Variants in ZNF541 observed in about 807,000 individuals in gnomAD.
ZNF541 encodes zinc finger protein 541.
A neutral mutation model predicts 123.5 loss-of-function variants in ZNF541; 23 were observed. The observed-to-expected ratio is 0.19, with a 90% confidence interval of 0.13 to 0.26. The LOEUF (loss-of-function observed/expected upper bound fraction) is 0.26. Ranked by LOEUF, ZNF541 falls within the 10% of genes least tolerant of loss-of-function variation. The pLI, the probability that ZNF541 is intolerant of heterozygous loss-of-function variation, is 1.00. For missense variants in ZNF541, 1,612 were observed against 1,789.9 expected (o/e 0.90, Z 1.79); for synonymous variants, 751 against 754.5 (o/e 1.00, Z 0.08).
At chr19:47,551,419 G>A (rs1319227022) in intron 3 of ZNF541, among the ~76,000 whole-genome samples, 3 of 150,192 alleles carry the variant, frequency 2.0e-5, no homozygotes, top group Non-Finnish European at 4.4e-5. Context: ...AGAGTGCAGG[G>A]GTTATTCACA....
In ZNF541 at chr19:47,545,414, G is replaced by C. The variant is rs1334350849; in HGVS notation, c.1115C>G (p.Thr372Ser). The C allele has an allele frequency of 2.7e-6, 4 of 1,494,414 alleles. No homozygotes were observed. The highest frequency in any genetic ancestry group is 3.6e-6 in the Non-Finnish European group (4 of 1,119,472). The allele number at this position is 1,494,414 out of a possible 1,614,324, so 92.6% of individuals were successfully genotyped here. Residue 372 changes from threonine to serine, a missense_variant, in exon 5 of 17, where the codon ACC (threonine) becomes AGC (serine). Physicochemically the swap from Thr to Ser is moderately conservative, Grantham distance 58. Around this residue, in one of 5 missense-constraint regions of ZNF541, gnomAD observed 1,080 missense variants for 1,013.8 expected, o/e 1.07. Transcript: ENST00000391901. This position sits in a 1 kb window ranked among gnomAD's most constrained non-coding sequence, Gnocchi z 7.5. Reference sequence around the variant, plus strand: ...GGTGGACCGGGCCTGGAGCAGCGCGGTATCTGGCTCCGGCTCTGGCGGGTC... The same window carrying C: ...GGTGGACCGGGCCTGGAGCAGCGCGCTATCTGGCTCCGGCTCTGGCGGGTC... ...APDPPEPEPD[T>S]ALLQARSTAE...
intron 3 of ZNF541, among the ~76,000 whole-genome samples, chr19:47,555,195 C>T (rs1970765453): frequency 6.6e-6 from 1 of 151,318 alleles, no homozygotes; most frequent in South Asian, 2.1e-4. Context: ...CAGTGAAACT[C>T]CGTTTCTACT....
chr19:47,545,462 C>G lies in ZNF541; in HGVS notation c.1067G>C (p.Arg356Thr), dbSNP rs887716462. Residue 356 changes from arginine to threonine, a missense_variant, in exon 5 of 17, where the codon AGG becomes ACG. Physicochemically the swap from Arg to Thr is moderately conservative, Grantham distance 71. This residue lies in a region of ZNF541 where 1,080 missense variants were observed against 1,013.8 expected (regional missense o/e 1.07). Transcript: ENST00000391901. This position sits in a 1 kb window ranked among gnomAD's most constrained non-coding sequence, Gnocchi z 7.5. ...ATDVFTAPNS[R>T]AAENGAPDPP... Reference sequence around the variant, plus strand: ...GTCGGGGGCGCCGTTCTCGGCGGCCCTGGAATTAGGGGCTGTGAACACGTC... The same window carrying G: ...GTCGGGGGCGCCGTTCTCGGCGGCCGTGGAATTAGGGGCTGTGAACACGTC... 24 of 1,477,256 alleles carry G rather than the reference C, an allele frequency of 1.6e-5. No homozygotes were observed. Among genetic ancestry groups the G allele is most frequent in the South Asian group, 1.1e-4 (8 of 72,356 alleles). 91.5% of individuals were successfully genotyped at this position (1,477,256 alleles called of 1,614,324 possible). A position where few individuals can be genotyped will look rare whatever the true frequency, so the allele number is the denominator to read the frequency against.
chr19:47,557,901 A>G (rs1187012254), intron 2 of ZNF541, among the ~76,000 whole-genome samples: 1 of 152,104 alleles, frequency 6.6e-6, no homozygotes, highest in Non-Finnish European at 1.5e-5. Flanking sequence ...AAGCTTGCAC[A>G]CTAAAAGAAT....
At chr19:47,567,872 A>G (rs995005802) in intron 2 of ZNF541, among the ~76,000 whole-genome samples, 2 of 152,198 alleles carry the variant, frequency 1.3e-5, no homozygotes, top group Non-Finnish European at 2.9e-5. Context: ...ACTATAGAGA[A>G]CACTTCCAAC....
chr19:47,521,428 A>T lies in ZNF541; in HGVS notation c.3887+51T>A. The T allele has an allele frequency of 6.4e-7, 1 of 1,550,640 alleles. No homozygotes were observed. Among genetic ancestry groups the T allele is most frequent in the South Asian group, 1.2e-5 (1 of 84,048 alleles). On this transcript the variant is annotated intron_variant, in intron 16 of 16. Transcript: ENST00000391901. The surrounding 1 kb of genome is among the most constrained non-coding windows in gnomAD (Gnocchi z 4.2). Reference sequence around the variant, plus strand: ...GTCAGAGCAGGGAGGAAGGGATCACAGGGGCTGAGGCTGGGAGCCCTGGGA... The same window carrying T: ...GTCAGAGCAGGGAGGAAGGGATCACTGGGGCTGAGGCTGGGAGCCCTGGGA...
Position 47,521,699 on chromosome 19 carries a change from C to T in ZNF541, c.3712-45G>A. On this transcript the variant is annotated intron_variant, in intron 15 of 16. Transcript: ENST00000391901. The surrounding 1 kb of genome is among the most constrained non-coding windows in gnomAD (Gnocchi z 4.2). Reference sequence around the variant, plus strand: ...GACATAAGGGTGCTGACCTGTCCTGCTGTAAGAGAGACACAGAGCTGGGGG... The same window carrying T: ...GACATAAGGGTGCTGACCTGTCCTGTTGTAAGAGAGACACAGAGCTGGGGG... 1.3e-6 allele frequency: 2 copies of T among 1,542,586 alleles called. No individual in the cohort carries two copies. The highest frequency in any genetic ancestry group is 1.8e-6 in the Non-Finnish European group (2 of 1,141,130).
chr19:47,538,044 G>A, intron 9 of ZNF541, 98 bp downstream of exon 9: 1 of 1,385,852 alleles, frequency 7.2e-7, no homozygotes, highest in Admixed American at 2.1e-5. Flanking sequence ...CACCCAGGCA[G>A]GAGACAATCA....
chr19:47,537,437 G>A (rs150753571), intron 9 of ZNF541, among the ~76,000 whole-genome samples: 164 of 151,430 alleles, frequency 1.1e-3, no homozygotes, highest in Middle Eastern at 6.9e-3. Flanking sequence ...GATGGCGCAC[G>A]CCTGTAGTCC....
chr19:47,523,121 C>T (rs1599934372), intron 14 of ZNF541, among the ~76,000 whole-genome samples: 1 of 150,542 alleles, frequency 6.6e-6, no homozygotes, highest in East Asian at 2.0e-4. Flanking sequence ...CTCCACCTCC[C>T]AGGTTCAAGC....
intron 9 of ZNF541, among the ~76,000 whole-genome samples, chr19:47,534,877 T>C (rs573496696): frequency 1.3e-5 from 2 of 152,070 alleles, no homozygotes; most frequent in East Asian, 3.9e-4. Flanking sequence ...CATATACACA[T>C]GCAAAAAAAT....
Position 47,521,872 on chromosome 19 carries a change from C to T in ZNF541, c.3693G>A (p.Val1231=), listed in dbSNP as rs1344227676. 5 of 1,551,776 alleles carry T rather than the reference C, an allele frequency of 3.2e-6. No homozygotes were observed. Among genetic ancestry groups the T allele is most frequent in the Admixed American group, 2.0e-5 (1 of 50,986 alleles). ...EKRVKREPEE[V]ERTEEKVPCS... is the part of the protein sequence containing the mutation. ...CCTCTACCTTTTCCTCTGTCCTTTCCACTTCCTCCGGCTCTCTCTTGACCC... is the reference window on the plus strand; with the variant it reads ...CCTCTACCTTTTCCTCTGTCCTTTCTACTTCCTCCGGCTCTCTCTTGACCC... Residue 1231 remains valine, a synonymous_variant, in exon 15 of 17, where the codon GTG becomes GTA. Coordinates refer to ENST00000391901, the MANE Select transcript of ZNF541 (RefSeq NM_001277075.3). The surrounding 1 kb of genome is among the most constrained non-coding windows in gnomAD (Gnocchi z 4.2).
chr19:47,535,727 G>GTT (rs556228596), intron 9 of ZNF541, among the ~76,000 whole-genome samples: 2 of 143,226 alleles, frequency 1.4e-5, no homozygotes, highest in African/African-American at 2.6e-5. Flanking sequence ...CCCCAGAGTT[G>GTT]TTTTTTTTTT....
chr19:47,540,862 T>A (rs1397862649), intron 6 of ZNF541, 31 bp downstream of exon 6: 1 of 1,548,176 alleles, frequency 6.5e-7, no homozygotes, highest in African/African-American at 1.4e-5. Context: ...CCTGCCAGGG[T>A]GCATGCAGGA....
In ZNF541 at chr19:47,524,706, T is replaced by TAA. The variant is rs1159585510; in HGVS notation, c.3571-2714_3571-2713dup. Reference sequence around the variant, plus strand: ...CTGGGTGACATAGCGAGACTCTGTCTAAAAAAAAAAAAAAAAAAAGAGTTA... The same window carrying TAA: ...CTGGGTGACATAGCGAGACTCTGTCTAAAAAAAAAAAAAAAAAAAAAGAGTTA... On this transcript the variant is annotated intron_variant, in intron 14 of 16. Coordinates refer to ENST00000391901, the MANE Select transcript of ZNF541 (RefSeq NM_001277075.3). Among the ~76,000 whole-genome samples the TAA allele has an allele frequency of 7.2e-3, 699 of 96,690 alleles. 4 individuals carry two copies. The highest frequency in any genetic ancestry group is 0.012 in the Non-Finnish European group (560 of 46,718). 63.4% of individuals were successfully genotyped at this position (96,690 alleles called of 152,430 possible).
rs757387184 is a variant in ZNF541, at chr19:47,544,175, G to A, written c.2354C>T (p.Pro785Leu). 1.9e-6 allele frequency: 3 copies of A among 1,551,714 alleles called. No individual in the cohort carries two copies. Among genetic ancestry groups the A allele is most frequent in the Admixed American group, 2.0e-5 (1 of 51,008 alleles). Residue 785 changes from proline (P) to leucine (L), a missense_variant, in exon 5 of 17, where the codon CCC becomes CTC. Pro to Leu is a moderately conservative substitution (Grantham distance 98). Coordinates refer to ENST00000391901, the MANE Select transcript of ZNF541 (RefSeq NM_001277075.3). Reference sequence around the variant, plus strand: ...CTTGGACTTGGAGGGATCTGCCGGGGGCCCGGCCGATGAGAAGGAGGCCAT... The same window carrying A: ...CTTGGACTTGGAGGGATCTGCCGGGAGCCCGGCCGATGAGAAGGAGGCCAT... ...VAMASFSSAG[P>L]PADPSKSKLT... is the part of the protein sequence containing the mutation.
At chr19:47,534,167 GC>G (rs1969709151) in intron 9 of ZNF541, among the ~76,000 whole-genome samples, 1 of 152,312 alleles carries the variant, frequency 6.6e-6, no homozygotes, top group Admixed American at 6.5e-5. Context: ...CCAAAATGGG[GC>G]TCAATAGGTT....
At position 47,555,925 on chromosome 19, in the gene ZNF541, G is replaced by A. The variant is rs1027877659; in HGVS notation, c.-69C>T. 35 of 1,431,752 alleles carry A rather than the reference G, an allele frequency of 2.4e-5. No individual in the cohort carries two copies. The highest frequency in any genetic ancestry group is 3.2e-5 in the Non-Finnish European group (34 of 1,073,488). 88.7% of individuals were successfully genotyped at this position (1,431,752 alleles called of 1,614,324 possible). On this transcript the variant is annotated 5_prime_UTR_variant, in exon 3 of 17. Coordinates refer to ENST00000391901, the MANE Select transcript of ZNF541 (RefSeq NM_001277075.3). Reference sequence around the variant, plus strand: ...AAGCAAAACCATGTAAGGAGACAGGGAGGAGAGAGCCCTTGATGGCAACTA... The same window carrying A: ...AAGCAAAACCATGTAAGGAGACAGGAAGGAGAGAGCCCTTGATGGCAACTA...
intron 4 of ZNF541, among the ~76,000 whole-genome samples, chr19:47,548,037 C>CAA (rs762537736): frequency 9.5e-5 from 5 of 52,630 alleles, no homozygotes; most frequent in African/African-American, 2.7e-4. Flanking sequence ...CAAGACTGTC[C>CAA]AAAAAAAAAA....
Sources: gnomAD v4.1 joint callset for allele counts (sites outside exome capture counted in the v4.1 genomes callset) on GRCh38, gnomAD v4.1.1 for gene constraint, gnomAD v4.1.1 regional missense constraint, Gnocchi (gnomAD v3.1) non-coding constraint, MANE v1.5 for transcripts, NCBI Gene and HGNC (gene_info 2026-07-23, HGNC 2026-07-21) for gene names.